The following SGCZ variants were observed in gnomAD, a reference collection of about 807,000 sequenced individuals.
SGCZ encodes the protein sarcoglycan zeta, also known as zeta-sarcoglycan.
A neutral mutation model predicts 41.3 loss-of-function variants in SGCZ; 40 were observed. The ratio of observed to expected loss-of-function variants is 0.97; its 90% CI spans 0.75 to 1.26. SGCZ has a LOEUF of 1.26. Among genes scored for constraint, SGCZ ranks in the 50% most tolerant of loss-of-function variants. The pLI, the probability that SGCZ is intolerant of heterozygous loss-of-function variation, is 0.00. For synonymous variants in SGCZ, 206 were observed against 137.5 expected (o/e 1.50, Z -3.49); for missense variants, 552 against 369.8 (o/e 1.49, Z -4.04).
intron 1 of SGCZ, among the ~76,000 whole-genome samples, chr8:14,658,584 T>A (rs1317112889): frequency 6.6e-6 from 1 of 152,186 alleles, no homozygotes; most frequent in Non-Finnish European, 1.5e-5. Context: ...CCTTAATTCT[T>A]ACTTAGATTA....
chr8:14,261,650 G>A, intron 3 of SGCZ, among the ~76,000 whole-genome samples: 1 of 152,098 alleles, frequency 6.6e-6, no homozygotes, highest in East Asian at 1.9e-4. Flanking sequence ...TCAATAATTT[G>A]ACCAAAGAGT....
At chr8:14,437,105 G>T (rs756560521) in intron 2 of SGCZ, among the ~76,000 whole-genome samples, 3 of 152,060 alleles carry the variant, frequency 2.0e-5, no homozygotes, top group Non-Finnish European at 2.9e-5. Flanking sequence ...TTATAAAATA[G>T]AATTTGTCAA....
At chr8:14,559,210 T>A (rs992224244) in intron 1 of SGCZ, among the ~76,000 whole-genome samples, 2 of 152,040 alleles carry the variant, frequency 1.3e-5, no homozygotes, top group Non-Finnish European at 2.9e-5. Flanking sequence ...GCTGATGATA[T>A]GATTGTATAC....
intron 2 of SGCZ, among the ~76,000 whole-genome samples, chr8:14,398,002 T>C (rs774965476): frequency 2.6e-5 from 4 of 152,144 alleles, no homozygotes; most frequent in Admixed American, 6.6e-5. Flanking sequence ...CTCAGAATGC[T>C]ATTTAAGTTA....
chr8:15,112,904 G>A (rs185446974), intron 1 of SGCZ, among the ~76,000 whole-genome samples: 5 of 152,262 alleles, frequency 3.3e-5, no homozygotes, highest in East Asian at 1.9e-4. Context: ...GAAGTCATGC[G>A]TTGTGTGGGT....
At chr8:14,257,113 T>C (rs1291783998) in intron 3 of SGCZ, among the ~76,000 whole-genome samples, 1 of 152,086 alleles carries the variant, frequency 6.6e-6, no homozygotes, top group African/African-American at 2.4e-5. Context: ...CAGATTGCTT[T>C]AATCCACGAC....
intron 3 of SGCZ, among the ~76,000 whole-genome samples, chr8:14,318,425 A>C (rs1168538129): frequency 6.6e-6 from 1 of 151,396 alleles, no homozygotes; most frequent in Non-Finnish European, 1.5e-5. Context: ...AGCAGAAGTC[A>C]AAAAAAAGAT....
intron 2 of SGCZ, among the ~76,000 whole-genome samples, chr8:14,554,212 G>A (rs1803960377): frequency 6.6e-6 from 1 of 152,032 alleles, no homozygotes; most frequent in African/African-American, 2.4e-5. Context: ...ATCACCATCT[G>A]ATGGCAATTA....
intron 5 of SGCZ, among the ~76,000 whole-genome samples, chr8:14,145,817 C>T (rs1333015035): frequency 6.6e-6 from 1 of 152,110 alleles, no homozygotes; most frequent in Non-Finnish European, 1.5e-5. Context: ...CTGAAGAACA[C>T]ATTAGAGTTC....
chr8:14,338,577 T>G (rs143460126), intron 2 of SGCZ, among the ~76,000 whole-genome samples: 1 of 152,308 alleles, frequency 6.6e-6, no homozygotes, highest in East Asian at 1.9e-4. Context: ...TGGAATGTTA[T>G]TCTCTTGTTT....
At chr8:14,422,711 G>C (rs1473850745) in intron 2 of SGCZ, among the ~76,000 whole-genome samples, 5 of 152,192 alleles carry the variant, frequency 3.3e-5, no homozygotes, top group African/African-American at 1.2e-4. Flanking sequence ...TTTAGGACAA[G>C]TCTAGAATAA....
chr8:14,330,416 AG>A (rs1399232663), intron 2 of SGCZ, among the ~76,000 whole-genome samples: 2 of 152,096 alleles, frequency 1.3e-5, no homozygotes, highest in Non-Finnish European at 2.9e-5. Flanking sequence ...AAAAACTGAA[AG>A]TAATCTTTAG....
At chr8:15,166,206 T>C (rs1799659305) in intron 1 of SGCZ, among the ~76,000 whole-genome samples, 1 of 151,702 alleles carries the variant, frequency 6.6e-6, no homozygotes, top group Non-Finnish European at 1.5e-5. Context: ...TTCAGGTACA[T>C]GGGATTGCCA....
intron 4 of SGCZ, among the ~76,000 whole-genome samples, chr8:14,211,178 C>T (rs995434526): frequency 1.3e-5 from 2 of 152,106 alleles, no homozygotes; most frequent in African/African-American, 2.4e-5. Flanking sequence ...CAGTAGAGGG[C>T]GCTGGAGGGA....
chr8:15,182,586 G>A (rs557234160), intron 1 of SGCZ, among the ~76,000 whole-genome samples: 5 of 151,884 alleles, frequency 3.3e-5, no homozygotes, highest in African/African-American at 1.2e-4. Context: ...TTTTTAAGTG[G>A]CACACCTGTA....
At chr8:15,230,107 T>C (rs17121162) in intron 1 of SGCZ, among the ~76,000 whole-genome samples, 1 of 151,166 alleles carries the variant, frequency 6.6e-6, no homozygotes, top group African/African-American at 2.4e-5. Flanking sequence ...TGAAACATTA[T>C]GCAAATAACC....
At chr8:14,466,562 T>G (rs1244642119) in intron 2 of SGCZ, among the ~76,000 whole-genome samples, 1 of 151,914 alleles carries the variant, frequency 6.6e-6, no homozygotes, top group Non-Finnish European at 1.5e-5. Context: ...GTATCCCTCT[T>G]CATCTGGGAC....
At chr8:14,589,567 T>C (rs1017787374) in intron 1 of SGCZ, among the ~76,000 whole-genome samples, 3 of 152,096 alleles carry the variant, frequency 2.0e-5, no homozygotes, top group Non-Finnish European at 2.9e-5. Context: ...AATTACTTGA[T>C]CTCTTTAAAC....
intron 1 of SGCZ, among the ~76,000 whole-genome samples, chr8:15,036,951 T>A (rs1489756159): frequency 6.6e-6 from 1 of 152,132 alleles, no homozygotes; most frequent in Non-Finnish European, 1.5e-5. Flanking sequence ...CGAAAATCTT[T>A]AAATATAATC....
Sources: gnomAD v4.1 joint callset for allele counts (sites outside exome capture counted in the v4.1 genomes callset) on GRCh38, gnomAD v4.1.1 for gene constraint, MANE v1.5 for transcripts, NCBI Gene and HGNC (gene_info 2026-07-23, HGNC 2026-07-21) for gene names.